Variants in MTUS1 observed in about 807,000 individuals in gnomAD.
MTUS1 encodes microtubule associated scaffold protein 1, also known as microtubule-associated tumor suppressor 1.
MTUS1 carries 109 observed loss-of-function variants against 120.8 expected under a neutral mutation model. That is an observed-to-expected ratio of 0.90 (90% CI 0.77 to 1.06). MTUS1 has a LOEUF of 1.06. Among genes scored for constraint, MTUS1 ranks in the 50% least tolerant of loss-of-function variants. The probability of loss-of-function intolerance (pLI) is 0.00; values close to 1 mark genes in which losing one functional copy is unlikely to be tolerated. For missense variants in MTUS1, 2,210 were observed against 1,486.3 expected, an observed-to-expected ratio of 1.49 and a Z score of -8.01; for synonymous variants, 737 against 550.5, an observed-to-expected ratio of 1.34 and a Z score of -4.74.
intron 7 of MTUS1, chr8:17,676,081 GA>G: frequency 1.0e-5 from 6 of 571,724 alleles, no homozygotes; most frequent in South Asian, 2.3e-5. Flanking sequence ...AAAGCTCGCT[GA>G]AAAATGCCCT....
chr8:17,737,023 C>A (rs1169312943), intron 3 of MTUS1, among the ~76,000 whole-genome samples: 1 of 152,188 alleles, frequency 6.6e-6, no homozygotes, highest in African/African-American at 2.4e-5. Context: ...TAGAAGAGTT[C>A]TTAGCACAAA....
intron 6 of MTUS1, chr8:17,703,865 A>AT (rs957592825): frequency 1.3e-5 from 2 of 152,212 alleles, no homozygotes; most frequent in African/African-American, 4.8e-5. Context: ...CCTCAGAAGC[A>AT]TGTAATCTTT....
intron 6 of MTUS1, chr8:17,693,160 CACTA>C (rs1034088455): frequency 3.9e-4 from 59 of 152,290 alleles, no homozygotes; most frequent in African/African-American, 1.4e-3. Context: ...CTTTTCCCTC[CACTA>C]ACTCATTATA....
intron 7 of MTUS1, among the ~76,000 whole-genome samples, chr8:17,680,395 C>T (rs149330184): frequency 0.023 from 3,130 of 135,540 alleles, 58 homozygotes; most frequent in African/African-American, 0.048. Context: ...ACCCAGGTGG[C>T]GGAGGTTGCA....
intron 8 of MTUS1, among the ~76,000 whole-genome samples, chr8:17,658,102 A>G (rs1218628742): frequency 1.3e-5 from 2 of 149,758 alleles, no homozygotes; most frequent in African/African-American, 2.5e-5. Flanking sequence ...CAATGACACA[A>G]TCTTGGCTCA....
intron 1 of MTUS1, among the ~76,000 whole-genome samples, chr8:17,770,997 A>T (rs1310005743): frequency 6.6e-6 from 1 of 152,190 alleles, no homozygotes; most frequent in Non-Finnish European, 1.5e-5. Context: ...AAAGAAAAAA[A>T]GTTTTAAAGG....
intron 13 of MTUS1, among the ~76,000 whole-genome samples, chr8:17,647,459 A>G (rs776632559): frequency 1.5e-4 from 17 of 112,812 alleles, no homozygotes; most frequent in South Asian, 3.2e-4. Context: ...ATTTTGCTGG[A>G]AAAAAAAAAA....
chr8:17,659,359 G>A (rs1441023238), intron 8 of MTUS1, among the ~76,000 whole-genome samples: 2 of 152,146 alleles, frequency 1.3e-5, no homozygotes, highest in African/African-American at 2.4e-5. Context: ...GTGGACCAAA[G>A]GTTTGGTCAG....
chr8:17,781,927 G>A (rs1586375491), intron 1 of MTUS1, among the ~76,000 whole-genome samples: 1 of 152,190 alleles, frequency 6.6e-6, no homozygotes, highest in Non-Finnish European at 1.5e-5. Context: ...TGTGGGATTA[G>A]CAACACTCCA....
Position 17,743,870 on chromosome 8 carries a change from C to A in MTUS1, c.2092-71G>T, listed in dbSNP as rs2047530344. 32 of 1,358,100 alleles carry A rather than the reference C, an allele frequency of 2.4e-5. No homozygotes were observed. The Admixed American group carries it at 6.5e-4, about 28-fold the overall frequency. The allele number at this position is 1,358,100 out of a possible 1,614,324, so 84.1% of individuals were successfully genotyped here. On this transcript the variant is annotated intron_variant, in intron 2 of 14. Transcript: ENST00000693296. ...AGCCCCCCAACTGACTGAATGGGCC[C>A]CTCCTCTAGGCCAAGGCAATTCCAA...
intron 2 of MTUS1, among the ~76,000 whole-genome samples, chr8:17,748,722 G>A (rs1221781616): frequency 6.7e-6 from 1 of 149,682 alleles, no homozygotes; most frequent in East Asian, 2.0e-4. Context: ...GCAAGAGGTT[G>A]AGCATGGCGG....
At chr8:17,701,546 C>T (rs1819081339) in intron 6 of MTUS1, among the ~76,000 whole-genome samples, 1 of 152,032 alleles carries the variant, frequency 6.6e-6, no homozygotes, top group African/African-American at 2.4e-5. Flanking sequence ...CTCATATGTT[C>T]ATCGTAGAAT....
At chr8:17,786,619 G>A (rs1056668659) in intron 1 of MTUS1, among the ~76,000 whole-genome samples, 1 of 152,150 alleles carries the variant, frequency 6.6e-6, no homozygotes, top group South Asian at 2.1e-4. Context: ...GTGAAATGAG[G>A]ATGTGTGAGG....
At chr8:17,718,624 A>C (rs1358117766) in intron 4 of MTUS1, among the ~76,000 whole-genome samples, 2 of 152,050 alleles carry the variant, frequency 1.3e-5, no homozygotes, top group African/African-American at 4.8e-5. Flanking sequence ...AAGAGACAAT[A>C]CATAAAATTT....
chr8:17,657,523 C>G (rs1468298998), intron 8 of MTUS1, among the ~76,000 whole-genome samples: 30 of 149,180 alleles, frequency 2.0e-4, no homozygotes, highest in East Asian at 4.0e-4. Flanking sequence ...AGCCGAGATC[C>G]CGCCACTGCA....
Position 17,732,235 on chromosome 8 carries a change from C to T in MTUS1, c.2288-8402G>A, listed in dbSNP as rs1357288552. Among the ~76,000 whole-genome samples the T allele has an allele frequency of 2.0e-5, 3 of 152,220 alleles. No individual in the cohort carries two copies. In the East Asian group the frequency reaches 5.8e-4, roughly 29 times the overall value. On this transcript the variant is annotated intron_variant, in intron 3 of 14. Transcript: ENST00000693296. ...CATTTATGAATCGTCAAACCTGGAA[C>T]AGCCTGCCTCTAGCCCTCCCGAGGA...
intron 6 of MTUS1, among the ~76,000 whole-genome samples, chr8:17,705,148 A>AT (rs969378278): frequency 2.6e-5 from 4 of 151,904 alleles, no homozygotes; most frequent in Non-Finnish European, 5.9e-5. Flanking sequence ...CGTGCAGCTA[A>AT]TTTTTTTGTA....
intron 5 of MTUS1, among the ~76,000 whole-genome samples, chr8:17,714,806 G>A (rs761148876): frequency 3.3e-5 from 5 of 150,080 alleles, no homozygotes; most frequent in Non-Finnish European, 7.4e-5. Flanking sequence ...TAACATAAAT[G>A]TGGGTCTCAT....
intron 1 of MTUS1, among the ~76,000 whole-genome samples, chr8:17,785,824 G>A (rs2051257866): frequency 6.6e-6 from 1 of 152,120 alleles, no homozygotes; most frequent in South Asian, 2.1e-4. Context: ...ATACACCAAG[G>A]GAAGTACTGA....
Sources: gnomAD v4.1 joint callset for allele counts (sites outside exome capture counted in the v4.1 genomes callset) on GRCh38, gnomAD v4.1.1 for gene constraint, MANE v1.5 for transcripts, NCBI Gene and HGNC (gene_info 2026-07-23, HGNC 2026-07-21) for gene names.